The following BAZ1B variants were observed in gnomAD, a reference collection of about 807,000 sequenced individuals.
BAZ1B encodes tyrosine-protein kinase BAZ1B.
Under a neutral mutation model 153.8 loss-of-function variants are expected in BAZ1B, and 22 were observed. That is an observed-to-expected ratio of 0.14 (90% CI 0.10 to 0.20). The LOEUF (loss-of-function observed/expected upper bound fraction) is 0.20, where lower values mean the gene tolerates loss of function less well. Among genes scored for constraint, BAZ1B ranks in the 10% least tolerant of loss-of-function variants. The pLI, the probability that BAZ1B is intolerant of heterozygous loss-of-function variation, is 1.00. For synonymous variants in BAZ1B, 676 were observed against 633.4 expected, an observed-to-expected ratio of 1.07 and a Z score of -1.01; for missense variants, 1,325 against 1,799.3, an observed-to-expected ratio of 0.74 and a Z score of 4.77.
intron 3 of BAZ1B, among the ~76,000 whole-genome samples, chr7:73,504,626 C>A (rs1443076444): frequency 1.3e-5 from 2 of 151,608 alleles, no homozygotes; most frequent in East Asian, 2.0e-4. Flanking sequence ...ATCGCGCCAC[C>A]GGACTCCAGC....
At chr7:73,474,935 G>A (rs1365616982) in intron 7 of BAZ1B, among the ~76,000 whole-genome samples, 7 of 152,044 alleles carry the variant, frequency 4.6e-5, no homozygotes, top group Non-Finnish European at 4.4e-5. Context: ...TGAATACTTC[G>A]CCAAAGATAC....
At chr7:73,468,951 G>A (rs1200068623) in intron 9 of BAZ1B, among the ~76,000 whole-genome samples, 4 of 152,044 alleles carry the variant, frequency 2.6e-5, no homozygotes, top group East Asian at 1.9e-4. Context: ...CCAACATGGC[G>A]AAACCCCGTC....
chr7:73,468,417 GA>G (rs147993325), intron 9 of BAZ1B, among the ~76,000 whole-genome samples: 28 of 141,896 alleles, frequency 2.0e-4, no homozygotes, highest in Middle Eastern at 3.6e-3. Context: ...ATGGTGGGAG[GA>G]AAAAAAAAAA....
rs2116237163 is a variant in BAZ1B at position 73,450,063 on chromosome 7, T to C, written c.3581-374A>G. 6.6e-6 allele frequency among the ~76,000 whole-genome samples: 1 copy of C among 152,174 alleles called. No homozygotes were observed. The highest frequency in any genetic ancestry group is 2.1e-4 in the South Asian group (1 of 4,826). ...TGTTCTCTCTCTCTCTTTTTTTTTTTTGGAGACAGAGTCTTGCTCTGTCAC... is the reference window on the plus strand; with the variant it reads ...TGTTCTCTCTCTCTCTTTTTTTTTTCTGGAGACAGAGTCTTGCTCTGTCAC... On this transcript the variant is annotated intron_variant, in intron 14 of 19. Transcript: ENST00000339594. The surrounding 1 kb of genome is among the most constrained non-coding windows in gnomAD (Gnocchi z 4.1).
At chr7:73,505,256 A>G (rs782001435) in intron 3 of BAZ1B, among the ~76,000 whole-genome samples, 9 of 152,176 alleles carry the variant, frequency 5.9e-5, no homozygotes, top group East Asian at 1.9e-4. Context: ...GCCTGCTTTG[A>G]TAAGTATTCC....
chr7:73,499,438 T>C (rs1254472167), intron 3 of BAZ1B, among the ~76,000 whole-genome samples: 1 of 152,072 alleles, frequency 6.6e-6, no homozygotes, highest in Non-Finnish European at 1.5e-5. Context: ...CTATCAAAAA[T>C]CAACTGTGTA....
chr7:73,441,903 A>G, intron 19 of BAZ1B: 1 of 431,486 alleles, frequency 2.3e-6, no homozygotes, highest in Non-Finnish European at 4.1e-6. Flanking sequence ...TTAGGAAAGA[A>G]GGCAGGAACA....
At chr7:73,515,765 T>C (rs1219229159) in intron 1 of BAZ1B, among the ~76,000 whole-genome samples, 1 of 152,046 alleles carries the variant, frequency 6.6e-6, no homozygotes, top group Admixed American at 6.6e-5. Flanking sequence ...TGACCTCAAA[T>C]TCCTGGGCTC....
At chr7:73,461,791 A>G (rs1324486864) in intron 12 of BAZ1B, among the ~76,000 whole-genome samples, 2 of 152,220 alleles carry the variant, frequency 1.3e-5, no homozygotes, top group East Asian at 1.9e-4. Context: ...TCACAAAACT[A>G]TAAGAGCACA....
At chr7:73,508,113 G>A (rs782413476) in intron 3 of BAZ1B, among the ~76,000 whole-genome samples, 2 of 151,916 alleles carry the variant, frequency 1.3e-5, no homozygotes, top group African/African-American at 2.4e-5. Context: ...CCAAGATTGC[G>A]CACTGCACTC....
chr7:73,492,224 G>A (rs187901085), intron 5 of BAZ1B, among the ~76,000 whole-genome samples: 2,056 of 152,012 alleles, frequency 0.014, 20 homozygotes, highest in Non-Finnish European at 0.023. Context: ...GTGCAGTGGC[G>A]TGATCTCCAC....
At chr7:73,456,705 G>A (rs1554569573) in intron 13 of BAZ1B, among the ~76,000 whole-genome samples, 1 of 151,966 alleles carries the variant, frequency 6.6e-6, no homozygotes, top group African/African-American at 2.4e-5. Context: ...ACTCTGGGAG[G>A]CCATGGCCGG....
rs561787013 is a variant in BAZ1B, at chr7:73,509,988, G to A, written c.224+748C>T. On this transcript the variant is annotated intron_variant, in intron 2 of 19. Transcript: ENST00000339594. The stretch of plus-strand genomic sequence containing the variant: ...CTAAAAACACAAAAATTAGCCAGGC[G>A]TGGTGGTGAGCGCCTGTAGACCCAG... Among the ~76,000 whole-genome samples the A allele has an allele frequency of 8.7e-4, 131 of 151,196 alleles. 1 individual carries two copies. Among genetic ancestry groups the A allele is most frequent in the African/African-American group, 3.0e-3 (122 of 41,204 alleles).
At position 73,476,226 on chromosome 7, in the gene BAZ1B, T is replaced by C. The variant is rs543041357; in HGVS notation, c.2593+642A>G. Among the ~76,000 whole-genome samples the C allele has an allele frequency of 2.0e-5, 3 of 152,284 alleles. No homozygotes were observed. In the South Asian group the frequency reaches 6.2e-4, roughly 32 times the overall value. ...TTGAGATGATAAAAATGTTACAAAATTGGCAATGGTTGTACATTATCTGTG... is the reference window on the plus strand; with the variant it reads ...TTGAGATGATAAAAATGTTACAAAACTGGCAATGGTTGTACATTATCTGTG... On this transcript the variant is annotated intron_variant, in intron 7 of 19. Transcript: ENST00000339594.
At chr7:73,504,192 C>A (rs1349226736) in intron 3 of BAZ1B, among the ~76,000 whole-genome samples, 2 of 152,124 alleles carry the variant, frequency 1.3e-5, no homozygotes, top group East Asian at 3.9e-4. Context: ...CTGTTTCCTG[C>A]CAGGACACTG....
In BAZ1B at chr7:73,444,124, G is replaced by A; in HGVS notation, c.3850C>T (p.Pro1284Ser). 1 of 1,592,910 alleles carries A rather than the reference G, an allele frequency of 6.3e-7. No individual in the cohort carries two copies. The highest frequency in any genetic ancestry group is 2.3e-5 in the East Asian group (1 of 44,282). The change falls in exon 17 of 20, where the codon CCT (proline) becomes TCT (serine). Residue 1284 changes from proline (P) to serine (S), a missense_variant. Physicochemically the swap from Pro to Ser is moderately conservative, Grantham distance 74 (BLOSUM62 -1). Transcript: ENST00000339594. ...DYEVAGLRLR[P>S]RKTIRGKHSV... ...TGCTTGCCCCGGATGGTCTTTCGAGGTCTCACTGAAAGAAAAACTATGGAT... is the reference window on the plus strand; with the variant it reads ...TGCTTGCCCCGGATGGTCTTTCGAGATCTCACTGAAAGAAAAACTATGGAT...
At chr7:73,482,030 C>G (rs1472177295) in intron 6 of BAZ1B, among the ~76,000 whole-genome samples, 2 of 152,164 alleles carry the variant, frequency 1.3e-5, no homozygotes, top group African/African-American at 4.8e-5. Context: ...AAGAGCGAGA[C>G]TCTGTCTCAA....
At chr7:73,505,755 T>G (rs1280226350) in intron 3 of BAZ1B, among the ~76,000 whole-genome samples, 3 of 152,224 alleles carry the variant, frequency 2.0e-5, no homozygotes, top group Non-Finnish European at 4.4e-5. Flanking sequence ...ATCGCCATGT[T>G]GGCCAGGCTG....
intron 3 of BAZ1B, among the ~76,000 whole-genome samples, chr7:73,504,607 C>A (rs781841183): frequency 2.6e-5 from 4 of 151,594 alleles, no homozygotes; most frequent in Non-Finnish European, 5.9e-5. Context: ...GAGCTTGCAA[C>A]GAGCCGAGAT....
Sources: allele counts gnomAD v4.1 joint callset (sites outside exome capture counted in the v4.1 genomes callset), GRCh38; gene constraint gnomAD v4.1.1; non-coding constraint Gnocchi (gnomAD v3.1); transcripts MANE v1.5; gene names NCBI Gene and HGNC (gene_info 2026-07-23, HGNC 2026-07-21).